The following BRIP1 variants were observed in gnomAD, a reference collection of about 807,000 sequenced individuals.
BRIP1 encodes BRCA1 interacting DNA helicase 1.
Under a neutral mutation model 119.7 loss-of-function variants are expected in BRIP1, and 88 were observed. That is an observed-to-expected ratio of 0.74 (90% CI 0.62 to 0.88). The LOEUF (loss-of-function observed/expected upper bound fraction) is 0.88, where lower values mean the gene tolerates loss of function less well. Among genes scored for constraint, BRIP1 ranks in the 40% least tolerant of loss-of-function variants. The pLI is 0.00. For synonymous variants in BRIP1, 443 were observed against 496.5 expected, an observed-to-expected ratio of 0.89 and a Z score of 1.43; for missense variants, 1,259 against 1,455.4, an observed-to-expected ratio of 0.87 and a Z score of 2.20.
rs2077134129 is a variant in BRIP1, at chr17:61,751,773, G to A, written c.2098-7182C>T. Among the ~76,000 whole-genome samples the A allele has an allele frequency of 6.6e-6, 1 of 151,802 alleles. No homozygotes were observed. ...ATACAATTGGGAAGGAACAAATGGA[G>A]GATTTTTTTTTTTGAGACAGAGTCT... is the stretch of plus-strand genomic sequence containing the variant. On this transcript the variant is annotated intron_variant, in intron 14 of 19. Coordinates refer to ENST00000259008, the MANE Select transcript of BRIP1 (RefSeq NM_032043.3). The surrounding 1 kb of genome is among the most constrained non-coding windows in gnomAD (Gnocchi z 6.7).
In BRIP1 at chr17:61,724,986, T is replaced by A. The variant is rs2076745977; in HGVS notation, c.2380-8923A>T. On this transcript the variant is annotated intron_variant, in intron 16 of 19. Coordinates refer to ENST00000259008, the MANE Select transcript of BRIP1 (RefSeq NM_032043.3). The surrounding 1 kb of genome is among the most constrained non-coding windows in gnomAD (Gnocchi z 5.1). Reference sequence around the variant, plus strand: ...AAACACTTCTATCAGGGTATCACAATATAAATTCCAATGGTTAGAATTATA... The same window carrying A: ...AAACACTTCTATCAGGGTATCACAAAATAAATTCCAATGGTTAGAATTATA... 1.3e-5 allele frequency among the ~76,000 whole-genome samples: 2 copies of A among 152,202 alleles called. No homozygotes were observed. Among genetic ancestry groups the A allele is most frequent in the African/African-American group, 4.8e-5 (2 of 41,472 alleles).
chr17:61,787,192 T>C (rs2077735355), intron 10 of BRIP1, among the ~76,000 whole-genome samples: 1 of 86,246 alleles, frequency 1.2e-5, no homozygotes. Context: ...ATATATTATA[T>C]ACTATATAAA....
intron 6 of BRIP1, among the ~76,000 whole-genome samples, chr17:61,813,413 G>T (rs2078192935): frequency 6.6e-6 from 1 of 151,944 alleles, no homozygotes; most frequent in Admixed American, 6.6e-5. Flanking sequence ...GCACATAACT[G>T]TAACTTAGCT....
rs939406403 is a variant in BRIP1 at position 61,843,932 on chromosome 17, A to AT, written c.627+3168dup. Among the ~76,000 whole-genome samples, 41 of 149,784 alleles carry AT rather than the reference A, an allele frequency of 2.7e-4. 2 individuals carry two copies. Among genetic ancestry groups the AT allele is most frequent in the African/African-American group, 7.6e-4 (31 of 40,966 alleles). On this transcript the variant is annotated intron_variant, in intron 6 of 19. Coordinates refer to ENST00000259008, the MANE Select transcript of BRIP1 (RefSeq NM_032043.3). The surrounding 1 kb of genome is among the most constrained non-coding windows in gnomAD (Gnocchi z 5.7). ...TTTTTATTTTATGTATTTATTTTTT[A>AT]TTTTTTTTTAGAGACAGGGTCTCGC...
rs1603325854 is a variant in BRIP1 at position 61,774,238 on chromosome 17, T to C, written c.2097+2163A>G. Among the ~76,000 whole-genome samples the C allele has an allele frequency of 6.6e-6, 1 of 152,152 alleles. No homozygotes were observed. Among genetic ancestry groups the C allele is most frequent in the South Asian group, 2.1e-4 (1 of 4,826 alleles). ...AAGAAAATGTGGCACATATACACCA[T>C]AGAATACTATGCAGCCATAAAAAAG... On this transcript the variant is annotated intron_variant, in intron 14 of 19. Coordinates refer to ENST00000259008, the MANE Select transcript of BRIP1 (RefSeq NM_032043.3). The surrounding 1 kb of genome is among the most constrained non-coding windows in gnomAD (Gnocchi z 5.8).
Position 61,755,172 on chromosome 17 carries a change from A to G in BRIP1, c.2098-10581T>C, listed in dbSNP as rs2077183809. Reference sequence around the variant, plus strand: ...ACTTTTTGAATGAATTTTATAAATGAATGAAAAATGAAGGTCCAAAACAAT... The same window carrying G: ...ACTTTTTGAATGAATTTTATAAATGGATGAAAAATGAAGGTCCAAAACAAT... On this transcript the variant is annotated intron_variant, in intron 14 of 19. Coordinates refer to ENST00000259008, the MANE Select transcript of BRIP1 (RefSeq NM_032043.3). This position sits in a 1 kb window ranked among gnomAD's most constrained non-coding sequence, Gnocchi z 4.5. Among the ~76,000 whole-genome samples, 1 of 152,210 alleles carries G rather than the reference A, an allele frequency of 6.6e-6. No homozygotes were observed. Among genetic ancestry groups the G allele is most frequent in the South Asian group, 2.1e-4 (1 of 4,828 alleles).
chr17:61,748,295 C>T lies in BRIP1; in HGVS notation c.2098-3704G>A, dbSNP rs369479103. On this transcript the variant is annotated intron_variant, in intron 14 of 19. Coordinates refer to ENST00000259008, the MANE Select transcript of BRIP1 (RefSeq NM_032043.3). The surrounding 1 kb of genome is among the most constrained non-coding windows in gnomAD (Gnocchi z 4.7). ...GATCTGAGGTGGAACAGTTTCATCCCGAAACCATCACCCCCACCCCCAACC... is the reference window on the plus strand; with the variant it reads ...GATCTGAGGTGGAACAGTTTCATCCTGAAACCATCACCCCCACCCCCAACC... Among the ~76,000 whole-genome samples the T allele has an allele frequency of 5.9e-5, 9 of 152,218 alleles. No individual in the cohort carries two copies. Among genetic ancestry groups the T allele is most frequent in the East Asian group, 3.9e-4 (2 of 5,176 alleles).
In BRIP1 at chr17:61,683,130, CA is replaced by C. The variant is rs111519368; in HGVS notation, c.*165del. On this transcript the variant is annotated 3_prime_UTR_variant, in exon 20 of 20. Transcript: ENST00000259008. The surrounding 1 kb of genome is among the most constrained non-coding windows in gnomAD (Gnocchi z 4.7). The stretch of plus-strand genomic sequence containing the variant: ...TGGGCAACAGACCAAGACTCTGTCT[CA>C]AAAAAAAAAACCCAAAAACTCAAGA... 3,664 of 746,478 alleles carry C rather than the reference CA, an allele frequency of 4.9e-3. 2 individuals carry two copies. The highest frequency in any genetic ancestry group is 0.014 in the Middle Eastern group (32 of 2,364). 46.2% of individuals were successfully genotyped at this position (746,478 alleles called of 1,614,324 possible).
In BRIP1 at chr17:61,844,919, G is replaced by A. The variant is rs1002364494; in HGVS notation, c.627+2182C>T. ...CCAATATACCTGCTTCATAATCATT[G>A]TAAGAACTCAGTAACATTCAACAAA... On this transcript the variant is annotated intron_variant, in intron 6 of 19. Coordinates refer to ENST00000259008, the MANE Select transcript of BRIP1 (RefSeq NM_032043.3). The surrounding 1 kb of genome is among the most constrained non-coding windows in gnomAD (Gnocchi z 4.7). Among the ~76,000 whole-genome samples the A allele has an allele frequency of 1.3e-5, 2 of 152,140 alleles. No individual in the cohort carries two copies. Among genetic ancestry groups the A allele is most frequent in the African/African-American group, 4.8e-5 (2 of 41,430 alleles).
rs1374252599 is a variant in BRIP1 at position 61,823,965 on chromosome 17, C to T, written c.628-15208G>A. 3.9e-5 allele frequency among the ~76,000 whole-genome samples: 6 copies of T among 152,118 alleles called. No individual in the cohort carries two copies. The highest frequency in any genetic ancestry group is 5.9e-5 in the Non-Finnish European group (4 of 68,018). ...AGCAGCAGAGATTACAGGCATGTGC[C>T]GCCGCACCTGCCTAATTTTTTGTAT... is the stretch of plus-strand genomic sequence containing the variant. On this transcript the variant is annotated intron_variant, in intron 6 of 19. Transcript: ENST00000259008. The surrounding 1 kb of genome is among the most constrained non-coding windows in gnomAD (Gnocchi z 4.8).
Position 61,834,508 on chromosome 17 carries a change from G to A in BRIP1, c.627+12593C>T, listed in dbSNP as rs1406288856. On this transcript the variant is annotated intron_variant, in intron 6 of 19. Coordinates refer to ENST00000259008, the MANE Select transcript of BRIP1 (RefSeq NM_032043.3). The surrounding 1 kb of genome is among the most constrained non-coding windows in gnomAD (Gnocchi z 4.4). ...GTAATATATACTACGTAACAAAAAT[G>A]GCAACAAATTCTACTTATCTTTGTA... Among the ~76,000 whole-genome samples, 1 of 152,030 alleles carries A rather than the reference G, an allele frequency of 6.6e-6. No individual in the cohort carries two copies. Among genetic ancestry groups the A allele is most frequent in the Non-Finnish European group, 1.5e-5 (1 of 68,008 alleles).
intron 17 of BRIP1, among the ~76,000 whole-genome samples, chr17:61,707,626 TATGC>T (rs1567749261): frequency 6.6e-6 from 1 of 152,178 alleles, no homozygotes; most frequent in Non-Finnish European, 1.5e-5. Context: ...CAAGCCCTAT[TATGC>T]ATTTAAAAAT....
At position 61,752,444 on chromosome 17, in the gene BRIP1, T is replaced by C. The variant is rs1431016163; in HGVS notation, c.2098-7853A>G. On this transcript the variant is annotated intron_variant, in intron 14 of 19. Transcript: ENST00000259008. This position sits in a 1 kb window ranked among gnomAD's most constrained non-coding sequence, Gnocchi z 6.2. ...GATTATCTAGGGAAATACACTTTGTTGAACTCACTGTTCACTATTAATTAA... is the reference window on the plus strand; with the variant it reads ...GATTATCTAGGGAAATACACTTTGTCGAACTCACTGTTCACTATTAATTAA... Among the ~76,000 whole-genome samples the C allele has an allele frequency of 6.6e-6, 1 of 152,232 alleles. No individual in the cohort carries two copies. Among genetic ancestry groups the C allele is most frequent in the African/African-American group, 2.4e-5 (1 of 41,464 alleles).
rs372657978 is a variant in BRIP1 at position 61,806,029 on chromosome 17, A to G, written c.918+2438T>C. On this transcript the variant is annotated intron_variant, in intron 7 of 19. Transcript: ENST00000259008. The surrounding 1 kb of genome is among the most constrained non-coding windows in gnomAD (Gnocchi z 4.9). Reference sequence around the variant, plus strand: ...TTTTCCAGTATAAGGGCACTTTAGTAAAAGAAACAATGAACAAAAACACAT... The same window carrying G: ...TTTTCCAGTATAAGGGCACTTTAGTGAAAGAAACAATGAACAAAAACACAT... 6.6e-6 allele frequency among the ~76,000 whole-genome samples: 1 copy of G among 152,252 alleles called. No homozygotes were observed.
intron 10 of BRIP1, among the ~76,000 whole-genome samples, chr17:61,786,996 A>G (rs1421147160): frequency 8.6e-5 from 10 of 116,266 alleles, no homozygotes; most frequent in African/African-American, 3.5e-4. Flanking sequence ...ATAAATTTAT[A>G]AATAATTTTA....
chr17:61,861,617 A>G lies in BRIP1; in HGVS notation c.-30-48T>C, dbSNP rs987557134. The G allele has an allele frequency of 4.6e-6, 5 of 1,078,314 alleles. No individual in the cohort carries two copies. The highest frequency in any genetic ancestry group is 7.2e-6 in the Non-Finnish European group (5 of 698,986). 66.8% of individuals were successfully genotyped at this position (1,078,314 alleles called of 1,614,324 possible). A position where few individuals can be genotyped will look rare whatever the true frequency, so the allele number is the denominator to read the frequency against. ...AAATATTGAGACACGCCTTACAAAG[A>G]AAACCAGAGAACCAAAACTAAGGGA... On this transcript the variant is annotated intron_variant, in intron 1 of 19. Coordinates refer to ENST00000259008, the MANE Select transcript of BRIP1 (RefSeq NM_032043.3). This position sits in a 1 kb window ranked among gnomAD's most constrained non-coding sequence, Gnocchi z 4.5.
At chr17:61,716,301 C>T (rs888801993) in intron 16 of BRIP1, among the ~76,000 whole-genome samples, 7 of 151,948 alleles carry the variant, frequency 4.6e-5, no homozygotes, top group African/African-American at 1.7e-4. Flanking sequence ...ATTGAACTTA[C>T]ATTCATTAAA....
At position 61,730,885 on chromosome 17, in the gene BRIP1, G is replaced by GT. The variant is rs544986161; in HGVS notation, c.2379+12127dup. 1.2e-4 allele frequency among the ~76,000 whole-genome samples: 18 copies of GT among 151,904 alleles called. No individual in the cohort carries two copies. The South Asian group carries it at 1.9e-3, about 16-fold the overall frequency. ...TCAGCAATTCATCCATTTGTTTTGT[G>GT]TTTTTTTGTTTGTTCATTTGTTTTT... On this transcript the variant is annotated intron_variant, in intron 16 of 19. Coordinates refer to ENST00000259008, the MANE Select transcript of BRIP1 (RefSeq NM_032043.3). This position sits in a 1 kb window ranked among gnomAD's most constrained non-coding sequence, Gnocchi z 4.3.
intron 14 of BRIP1, among the ~76,000 whole-genome samples, chr17:61,747,535 CAA>C (rs2077074272): frequency 6.6e-6 from 1 of 151,082 alleles, no homozygotes; most frequent in South Asian, 2.1e-4. Flanking sequence ...ATGAAATGGA[CAA>C]ATTCCTAGTA....
Sources: gnomAD v4.1 joint callset for allele counts (sites outside exome capture counted in the v4.1 genomes callset) on GRCh38, gnomAD v4.1.1 for gene constraint, Gnocchi (gnomAD v3.1) non-coding constraint, MANE v1.5 for transcripts, NCBI Gene and HGNC (gene_info 2026-07-23, HGNC 2026-07-21) for gene names.